ZFYVE1: variants seen among roughly 807,000 people sequenced by gnomAD.
ZFYVE1 encodes zinc finger FYVE domain-containing protein 1.
ZFYVE1 carries 30 observed loss-of-function variants against 74.4 expected under a neutral mutation model. The ratio of observed to expected loss-of-function variants is 0.40; its 90% confidence interval spans 0.30 to 0.55. ZFYVE1 has a LOEUF of 0.55. Ranked by LOEUF, ZFYVE1 falls within the 20% of genes least tolerant of loss-of-function variation. ZFYVE1 has a pLI of 0.42. For missense variants in ZFYVE1, 703 were observed against 1,011.6 expected (o/e 0.69, Z 4.14); for synonymous variants, 335 against 385.1 (o/e 0.87, Z 1.52).
In ZFYVE1 at chr14:72,970,569, C is replaced by T. The variant is rs7141939; in HGVS notation, c.*313G>A. 2 of 321,886 alleles carry T rather than the reference C, an allele frequency of 6.2e-6. No individual in the cohort carries two copies. The highest frequency in any genetic ancestry group is 3.9e-5 in the South Asian group (1 of 25,740). 19.9% of individuals were successfully genotyped at this position (321,886 alleles called of 1,614,324 possible). A position where few individuals can be genotyped will look rare whatever the true frequency, so the allele number is the denominator to read the frequency against. On this transcript the variant is annotated 3_prime_UTR_variant, in exon 12 of 12. Transcript: ENST00000556143. ...TTCACAGCCAGCAGCAGCCTCGATA[C>T]GCCCCGAGTGCCTTTCATATGTATA...
chr14:72,983,852 T>C (rs1279051686), intron 4 of ZFYVE1, among the ~76,000 whole-genome samples: 1 of 152,190 alleles, frequency 6.6e-6, no homozygotes, highest in Non-Finnish European at 1.5e-5. Context: ...CCAGTATCTG[T>C]TGTTTCCTGG....
In ZFYVE1 at chr14:72,969,666, C is replaced by G; in HGVS notation, c.*1216G>C. 1 of 699,454 alleles carries G rather than the reference C, an allele frequency of 1.4e-6. No individual in the cohort carries two copies. Among genetic ancestry groups the G allele is most frequent in the Non-Finnish European group, 2.6e-6 (1 of 384,124 alleles). 43.3% of individuals were successfully genotyped at this position (699,454 alleles called of 1,614,324 possible). On this transcript the variant is annotated 3_prime_UTR_variant, in exon 12 of 12. Coordinates refer to ENST00000556143, the MANE Select transcript of ZFYVE1 (RefSeq NM_021260.4). ...TTCAGTTAAGAATTATACTTTAATT[C>G]GTGTTTGGCCACTGAAGATCAAATC...
rs764548187 is a variant in ZFYVE1 at position 73,024,555 on chromosome 14, C to A, written c.-47G>T. The stretch of plus-strand genomic sequence containing the variant: ...CACCCACCATATAATAGTCACTGAG[C>A]TTGCCCCGGGGGTGAAGACGAAGAT... On this transcript the variant is annotated 5_prime_UTR_variant, in exon 2 of 12. Coordinates refer to ENST00000556143, the MANE Select transcript of ZFYVE1 (RefSeq NM_021260.4). The A allele has an allele frequency of 2.6e-6, 4 of 1,533,664 alleles. No individual in the cohort carries two copies. The highest frequency in any genetic ancestry group is 1.4e-5 in the African/African-American group (1 of 72,442).
chr14:73,003,958 AACGCCAGGCACCTTGTTAGGT>A (rs1373377141), intron 2 of ZFYVE1, among the ~76,000 whole-genome samples: 1 of 152,096 alleles, frequency 6.6e-6, no homozygotes, highest in Admixed American at 6.6e-5. Context: ...TGAGTGAATA[AACGCCAGGCACCTTGTTAGGT>A]ACCCAGGTAC....
In ZFYVE1 at chr14:72,969,637, CCAGTT is replaced by C. The variant is rs895607230; in HGVS notation, c.*1240_*1244del. 19 of 694,890 alleles carry C rather than the reference CCAGTT, an allele frequency of 2.7e-5. No individual in the cohort carries two copies. Among genetic ancestry groups the C allele is most frequent in the African/African-American group, 1.1e-4 (6 of 56,736 alleles). 43.0% of individuals were successfully genotyped at this position (694,890 alleles called of 1,614,324 possible). On this transcript the variant is annotated 3_prime_UTR_variant, in exon 12 of 12. Transcript: ENST00000556143. Reference sequence around the variant, plus strand: ...ACTTCCCTAAAGCTCAACCCACCCACCAGTTCAGTTAAGAATTATACTTTAATTCG... The same window carrying C: ...ACTTCCCTAAAGCTCAACCCACCCACCAGTTAAGAATTATACTTTAATTCG...
chr14:73,024,591 A>G lies in ZFYVE1; in HGVS notation c.-83T>C. On this transcript the variant is annotated 5_prime_UTR_variant, in exon 2 of 12. Coordinates refer to ENST00000556143, the MANE Select transcript of ZFYVE1 (RefSeq NM_021260.4). ...GGTGAAGACGAAGATTTGAGTCTGA[A>G]GACTGCACGAAACTTCCACAGGGTT... 5.3e-6 allele frequency: 8 copies of G among 1,504,030 alleles called. No individual in the cohort carries two copies. The South Asian group carries it at 9.6e-5, about 18-fold the overall frequency. The allele number at this position is 1,504,030 out of a possible 1,614,324, so 93.2% of individuals were successfully genotyped here. A position where few individuals can be genotyped will look rare whatever the true frequency, so the allele number is the denominator to read the frequency against.
chr14:72,970,682 T>C lies in ZFYVE1; in HGVS notation c.*200A>G, dbSNP rs1431861482. 3.3e-6 allele frequency: 2 copies of C among 609,108 alleles called. No homozygotes were observed. The highest frequency in any genetic ancestry group is 5.8e-6 in the Non-Finnish European group (2 of 342,524). 37.7% of individuals were successfully genotyped at this position (609,108 alleles called of 1,614,324 possible). ...CAGGTTCATTCCCCTTTGCGATAAG[T>C]TGCAAGGTCCCCTGCCCTGAGGGGT... is the stretch of plus-strand genomic sequence containing the variant. On this transcript the variant is annotated 3_prime_UTR_variant, in exon 12 of 12. Transcript: ENST00000556143.
At chr14:72,973,928 C>T in intron 11 of ZFYVE1, 152 bp downstream of exon 11, 1 of 642,458 alleles carries the variant, frequency 1.6e-6, no homozygotes, top group Non-Finnish European at 2.8e-6. Flanking sequence ...AGGCATTCAG[C>T]AGAAGCAAGC....
chr14:72,974,239 C>A, intron 10 of ZFYVE1, 46 bp from the exon 11 acceptor site: 1 of 1,580,648 alleles, frequency 6.3e-7, no homozygotes, highest in Non-Finnish European at 8.7e-7. Flanking sequence ...AAGTCCTCTC[C>A]CAAATGGAAA....
chr14:73,007,534 T>C (rs983598269), intron 2 of ZFYVE1, among the ~76,000 whole-genome samples: 1 of 152,056 alleles, frequency 6.6e-6, no homozygotes, highest in Non-Finnish European at 1.5e-5. Flanking sequence ...TGCACCACCA[T>C]AGCTGGCTAA....
At chr14:72,986,930 T>C in intron 4 of ZFYVE1, 1 of 985,370 alleles carries the variant, frequency 1.0e-6, no homozygotes, top group Non-Finnish European at 1.2e-6. Flanking sequence ...CTCCTCCTCC[T>C]GAGATCCCAA....
chr14:72,974,035 T>C (rs1893100155), intron 11 of ZFYVE1, 45 bp downstream of exon 11: 2 of 1,587,930 alleles, frequency 1.3e-6, no homozygotes, highest in Non-Finnish European at 1.7e-6. Flanking sequence ...CTGAAACCCC[T>C]CAACCCGCAT....
Position 72,970,763 on chromosome 14 carries a change from A to C in ZFYVE1, c.*119T>G. On this transcript the variant is annotated 3_prime_UTR_variant, in exon 12 of 12. Coordinates refer to ENST00000556143, the MANE Select transcript of ZFYVE1 (RefSeq NM_021260.4). ...CCCCACTGAGGGAAAGTGGCCCTGG[A>C]TGCGGAGAGGAGAGGACACACACCA... 1 of 1,124,934 alleles carries C rather than the reference A, an allele frequency of 8.9e-7. No homozygotes were observed. Among genetic ancestry groups the C allele is most frequent in the Non-Finnish European group, 1.3e-6 (1 of 792,506 alleles). 69.7% of individuals were successfully genotyped at this position (1,124,934 alleles called of 1,614,324 possible). A position where few individuals can be genotyped will look rare whatever the true frequency, so the allele number is the denominator to read the frequency against.
intron 2 of ZFYVE1, among the ~76,000 whole-genome samples, chr14:73,018,953 A>G (rs910448110): frequency 6.6e-6 from 1 of 152,022 alleles, no homozygotes; most frequent in South Asian, 2.1e-4. Flanking sequence ...AAAAAAAAAA[A>G]AAAGTTCCTG....
chr14:73,023,457 A>T (rs933851008), intron 2 of ZFYVE1, among the ~76,000 whole-genome samples: 1 of 142,268 alleles, frequency 7.0e-6, no homozygotes, highest in Non-Finnish European at 1.5e-5. Flanking sequence ...TATATGTTTT[A>T]TATATATAAT....
chr14:72,970,372 CA>C lies in ZFYVE1; in HGVS notation c.*509del, dbSNP rs1309649743. ...GGAAGGACCAGGGAGGCTCACTCCC[CA>C]GGCAGCTGACAGGCATGGAGGGAAG... On this transcript the variant is annotated 3_prime_UTR_variant, in exon 12 of 12. Coordinates refer to ENST00000556143, the MANE Select transcript of ZFYVE1 (RefSeq NM_021260.4). 3 of 168,600 alleles carry C rather than the reference CA, an allele frequency of 1.8e-5. No individual in the cohort carries two copies. The highest frequency in any genetic ancestry group is 7.2e-5 in the African/African-American group (3 of 41,736). The allele number at this position is 168,600 out of a possible 1,614,324, so 10.4% of individuals were successfully genotyped here.
At chr14:72,996,430 A>G (rs1254977046) in intron 3 of ZFYVE1, among the ~76,000 whole-genome samples, 1 of 151,888 alleles carries the variant, frequency 6.6e-6, no homozygotes, top group South Asian at 2.1e-4. Flanking sequence ...GGGTCTCACT[A>G]TTGCCCAGGC....
rs1892992085 is a variant in ZFYVE1 at position 72,970,103 on chromosome 14, T to C, written c.*779A>G. On this transcript the variant is annotated 3_prime_UTR_variant, in exon 12 of 12. Transcript: ENST00000556143. ...GGAAAGCCGAGTGGAGACAGAAGCATCGGGACAGGAAGCCCTGCTGGAGAA... is the reference window on the plus strand; with the variant it reads ...GGAAAGCCGAGTGGAGACAGAAGCACCGGGACAGGAAGCCCTGCTGGAGAA... The C allele has an allele frequency of 3.7e-6, 1 of 269,894 alleles. No individual in the cohort carries two copies. The highest frequency in any genetic ancestry group is 7.1e-6 in the Non-Finnish European group (1 of 141,576). 16.7% of individuals were successfully genotyped at this position (269,894 alleles called of 1,614,324 possible).
intron 4 of ZFYVE1, among the ~76,000 whole-genome samples, chr14:72,982,572 C>A (rs1441054675): frequency 2.0e-5 from 3 of 152,216 alleles, no homozygotes; most frequent in Non-Finnish European, 4.4e-5. Context: ...CTAATCCTAT[C>A]TTCACTTATT....
Sources: gnomAD v4.1 joint callset for allele counts (sites outside exome capture counted in the v4.1 genomes callset) on GRCh38, gnomAD v4.1.1 for gene constraint, MANE v1.5 for transcripts, NCBI Gene and HGNC (gene_info 2026-07-23, HGNC 2026-07-21) for gene names.